Variants in KIAA1217 observed in about 807,000 individuals in gnomAD.
KIAA1217 encodes the protein sickle tail protein homolog.
KIAA1217 carries 88 observed loss-of-function variants against 163.9 expected under a neutral mutation model. The ratio of observed to expected loss-of-function variants is 0.54; its 90% CI spans 0.45 to 0.64. The LOEUF is 0.64. KIAA1217 is among the 30% of genes least tolerant of loss of function. KIAA1217 has a pLI of 0.00. For synonymous variants in KIAA1217, 903 were observed against 923.1 expected, an observed-to-expected ratio of 0.98 and a Z score of 0.39; for missense variants, 2,372 against 2,475.0, an observed-to-expected ratio of 0.96 and a Z score of 0.88.
chr10:23,934,585 A>G (rs187981281), intron 1 of KIAA1217, among the ~76,000 whole-genome samples: 6,942 of 55,602 alleles, frequency 0.12, 861 homozygotes, highest in African/African-American at 0.34. Flanking sequence ...ATATATATAT[A>G]TATATGTATA....
chr10:23,740,009 G>A (rs1159909035), intron 1 of KIAA1217, among the ~76,000 whole-genome samples: 3 of 150,844 alleles, frequency 2.0e-5, no homozygotes, highest in African/African-American at 7.4e-5. Context: ...AGACTGAGGG[G>A]AGATGAGATT....
chr10:23,808,765 G>T (rs566308761), intron 1 of KIAA1217, among the ~76,000 whole-genome samples: 61 of 152,218 alleles, frequency 4.0e-4, no homozygotes, highest in Middle Eastern at 3.4e-3. Context: ...AATTTTCAAA[G>T]TGAAAATGGT....
intron 2 of KIAA1217, among the ~76,000 whole-genome samples, chr10:24,095,035 A>G (rs2062095467): frequency 6.6e-6 from 1 of 152,176 alleles, no homozygotes; most frequent in Non-Finnish European, 1.5e-5. Flanking sequence ...GGACCCTCCG[A>G]GCCAGGTGTG....
intron 1 of KIAA1217, among the ~76,000 whole-genome samples, chr10:23,797,686 C>G (rs937329340): frequency 6.6e-6 from 1 of 152,112 alleles, no homozygotes; most frequent in Admixed American, 6.5e-5. Flanking sequence ...TTTAAACCAC[C>G]AACTGTCATG....
intron 1 of KIAA1217, among the ~76,000 whole-genome samples, chr10:23,868,950 A>G (rs1452984052): frequency 6.6e-6 from 1 of 152,112 alleles, no homozygotes; most frequent in Non-Finnish European, 1.5e-5. Flanking sequence ...GTGAATGAAT[A>G]TTAAACATTG....
intron 2 of KIAA1217, among the ~76,000 whole-genome samples, chr10:24,370,186 A>T (rs2051395252): frequency 6.8e-6 from 1 of 147,624 alleles, no homozygotes; most frequent in Non-Finnish European, 1.5e-5. Context: ...AATGGTGTGA[A>T]CCCGGGAGGC....
At chr10:23,826,382 T>A (rs753694783) in intron 1 of KIAA1217, among the ~76,000 whole-genome samples, 7 of 152,144 alleles carry the variant, frequency 4.6e-5, no homozygotes, top group African/African-American at 7.2e-5. Flanking sequence ...ACTAAGAACT[T>A]GATAATTATT....
At chr10:24,486,827 T>C (rs2065466619) in intron 6 of KIAA1217, among the ~76,000 whole-genome samples, 1 of 152,178 alleles carries the variant, frequency 6.6e-6, no homozygotes, top group Non-Finnish European at 1.5e-5. Context: ...GTGTCTAAGG[T>C]TTATCATCTA....
intron 1 of KIAA1217, among the ~76,000 whole-genome samples, chr10:23,987,386 A>T (rs1476460928): frequency 1.3e-5 from 2 of 149,240 alleles, no homozygotes; most frequent in Non-Finnish European, 3.0e-5. Context: ...CAAAAAAAAA[A>T]AAAAAAGCCA....
chr10:23,880,368 G>C (rs1840896383), intron 1 of KIAA1217, among the ~76,000 whole-genome samples: 1 of 151,894 alleles, frequency 6.6e-6, no homozygotes, highest in South Asian at 2.1e-4. Context: ...AACATCACCT[G>C]TTCTCACTTA....
chr10:24,056,284 C>A (rs1320108256), intron 2 of KIAA1217, among the ~76,000 whole-genome samples: 1 of 151,880 alleles, frequency 6.6e-6, no homozygotes, highest in African/African-American at 2.4e-5. Flanking sequence ...GCCAAGATCG[C>A]GCCACTCCAC....
At chr10:24,150,458 C>T (rs1001236565) in intron 2 of KIAA1217, among the ~76,000 whole-genome samples, 1 of 152,178 alleles carries the variant, frequency 6.6e-6, no homozygotes, top group Admixed American at 6.5e-5. Flanking sequence ...GGAGTATGGG[C>T]CAGACCAGAG....
chr10:24,070,288 TA>T (rs56759196), intron 2 of KIAA1217, among the ~76,000 whole-genome samples: 186 of 145,344 alleles, frequency 1.3e-3, no homozygotes, highest in Middle Eastern at 3.5e-3. Flanking sequence ...TCAGAATTGA[TA>T]AAAAAAAAAG....
In KIAA1217 at chr10:24,486,364, G is replaced by C. The variant is rs145065262; in HGVS notation, c.1680-8136G>C. Among the ~76,000 whole-genome samples, 3 of 152,318 alleles carry C rather than the reference G, an allele frequency of 2.0e-5. No individual in the cohort carries two copies. In the East Asian group the frequency reaches 5.8e-4, roughly 29 times the overall value. ...TGCCCTTCTCGGCTGGACTGGGACAGCTCCAGGGTATCCCTATTGTCCTTG... is the reference window on the plus strand; with the variant it reads ...TGCCCTTCTCGGCTGGACTGGGACACCTCCAGGGTATCCCTATTGTCCTTG... On this transcript the variant is annotated intron_variant, in intron 6 of 20. Transcript: ENST00000376454.
rs115016984 is a variant in KIAA1217, at chr10:24,242,515, A to G, written c.354+22606A>G. On this transcript the variant is annotated intron_variant, in intron 2 of 20. Coordinates refer to ENST00000376454, the MANE Select transcript of KIAA1217 (RefSeq NM_019590.5). ...CCACCATTGACGGACACCTAGGTTG[A>G]TTCCATGTCTTTGTGGATAGCACGG... is the stretch of plus-strand genomic sequence containing the variant. Among the ~76,000 whole-genome samples, 622 of 152,230 alleles carry G rather than the reference A, an allele frequency of 4.1e-3. 7 individuals are homozygous for G. Among genetic ancestry groups the G allele is most frequent in the African/African-American group, 0.014 (594 of 41,526 alleles).
At chr10:23,696,422 A>T (rs1226340464) in intron 1 of KIAA1217, among the ~76,000 whole-genome samples, 5 of 152,080 alleles carry the variant, frequency 3.3e-5, no homozygotes, top group Non-Finnish European at 7.4e-5. Flanking sequence ...TTAGCTTCTG[A>T]TACCAAGTCT....
At chr10:23,940,138 T>C (rs1589116125) in intron 1 of KIAA1217, among the ~76,000 whole-genome samples, 1 of 152,170 alleles carries the variant, frequency 6.6e-6, no homozygotes, top group Middle Eastern at 3.4e-3. Flanking sequence ...AAAATACATG[T>C]AGCAGAAATT....
At chr10:24,441,794 A>G (rs1363169555) in intron 5 of KIAA1217, among the ~76,000 whole-genome samples, 2 of 152,156 alleles carry the variant, frequency 1.3e-5, no homozygotes, top group Admixed American at 6.5e-5. Flanking sequence ...CAAAATTTAT[A>G]TATGTACTCA....
intron 1 of KIAA1217, among the ~76,000 whole-genome samples, chr10:23,935,150 T>C (rs1843472135): frequency 1.3e-5 from 2 of 152,198 alleles, no homozygotes; most frequent in South Asian, 4.1e-4. Flanking sequence ...GTCTATGTTC[T>C]ATAAATAAAT....
Sources: allele counts gnomAD v4.1 joint callset (sites outside exome capture counted in the v4.1 genomes callset), GRCh38; gene constraint gnomAD v4.1.1; transcripts MANE v1.5; gene names NCBI Gene and HGNC (gene_info 2026-07-23, HGNC 2026-07-21).